Variants in NBEAL1 observed in about 807,000 individuals in gnomAD.
NBEAL1 encodes the protein neurobeachin-like protein 1.
Under a neutral mutation model 351.3 loss-of-function variants are expected in NBEAL1, and 273 were observed. The ratio of observed to expected loss-of-function variants is 0.78; its 90% CI spans 0.70 to 0.86. NBEAL1 has a LOEUF of 0.86. Among genes scored for constraint, NBEAL1 ranks in the 40% least tolerant of loss-of-function variants. NBEAL1 has a pLI of 0.00. For missense variants in NBEAL1, 2,961 were observed against 3,201.3 expected (o/e 0.92, Z 1.81); for synonymous variants, 1,050 against 1,086.4 (o/e 0.97, Z 0.66).
At chr2:203,096,802 T>C (rs2062194591) in intron 10 of NBEAL1, among the ~76,000 whole-genome samples, 1 of 152,202 alleles carries the variant, frequency 6.6e-6, no homozygotes. Context: ...AGGAAGTACT[T>C]CTAGAAAGAA....
intron 3 of NBEAL1, among the ~76,000 whole-genome samples, chr2:203,043,148 T>A (rs2106050226): frequency 6.6e-6 from 1 of 152,270 alleles, no homozygotes; most frequent in Middle Eastern, 3.4e-3. Flanking sequence ...CAGTAGGACC[T>A]TAGAAAACAT....
At chr2:203,045,685 C>G (rs1049039945) in intron 3 of NBEAL1, among the ~76,000 whole-genome samples, 9 of 152,244 alleles carry the variant, frequency 5.9e-5, no homozygotes, top group African/African-American at 2.2e-4. Flanking sequence ...TACTTATGTG[C>G]TTCAGATTTT....
chr2:203,031,701 A>G (rs1206466237), intron 2 of NBEAL1, among the ~76,000 whole-genome samples: 2 of 152,196 alleles, frequency 1.3e-5, no homozygotes, highest in Non-Finnish European at 2.9e-5. Context: ...GAAATGGGGG[A>G]AAAATTGGAA....
chr2:203,107,623 C>G lies in NBEAL1; in HGVS notation c.1384C>G (p.His462Asp). 6.4e-7 allele frequency: 1 copy of G among 1,551,734 alleles called. No homozygotes were observed. The highest frequency in any genetic ancestry group is 8.7e-7 in the Non-Finnish European group (1 of 1,146,822). The change falls in exon 14 of 56, where the codon CAC becomes GAC. Residue 462 changes from histidine to aspartate, a missense_variant. Physicochemically the swap from His to Asp is moderately conservative, Grantham distance 81. Coordinates refer to ENST00000683969, the MANE Select transcript of NBEAL1 (RefSeq NM_001378026.1). ...ELMNMAVEGD[H>D]TSVGILGISN... ...TGCTTTTCAGGCTGTAGAGGGTGACCACACTTCAGTTGGGATTTTGGGCAT... is the reference window on the plus strand; with the variant it reads ...TGCTTTTCAGGCTGTAGAGGGTGACGACACTTCAGTTGGGATTTTGGGCAT...
chr2:203,024,885 T>C (rs539016919), intron 2 of NBEAL1, among the ~76,000 whole-genome samples: 1 of 152,124 alleles, frequency 6.6e-6, no homozygotes. Flanking sequence ...AATAAATACA[T>C]ACATACATAC....
intron 51 of NBEAL1, among the ~76,000 whole-genome samples, chr2:203,206,572 C>T (rs767690050): frequency 9.5e-4 from 132 of 139,068 alleles, no homozygotes; most frequent in Non-Finnish European, 1.8e-3. Context: ...CGCGCCGCCA[C>T]GCCTGACTGG....
At chr2:203,031,518 G>A (rs1414434512) in intron 2 of NBEAL1, among the ~76,000 whole-genome samples, 1 of 152,164 alleles carries the variant, frequency 6.6e-6, no homozygotes, top group Non-Finnish European at 1.5e-5. Context: ...ATGTCAATAT[G>A]AAGTCTACTA....
At chr2:203,118,199 C>T (rs897267701) in intron 18 of NBEAL1, among the ~76,000 whole-genome samples, 5 of 152,108 alleles carry the variant, frequency 3.3e-5, no homozygotes, top group Non-Finnish European at 5.9e-5. Flanking sequence ...TTTGTGAAAA[C>T]GAATTGACAT....
At chr2:203,175,358 T>C in intron 42 of NBEAL1, 71 bp downstream of exon 42, 2 of 1,465,322 alleles carry the variant, frequency 1.4e-6, no homozygotes, top group Admixed American at 1.9e-5. Context: ...CTTCATGTCA[T>C]GTACTGTGTA....
chr2:203,222,811 C>T lies in NBEAL1; in HGVS notation c.*5457C>T, dbSNP rs1181568579. Among the ~76,000 whole-genome samples, 1 of 152,124 alleles carries T rather than the reference C, an allele frequency of 6.6e-6. No individual in the cohort carries two copies. Among genetic ancestry groups the T allele is most frequent in the African/African-American group, 2.4e-5 (1 of 41,440 alleles). On this transcript the variant is annotated 3_prime_UTR_variant, in exon 56 of 56. Transcript: ENST00000683969. ...CAATAGAATTTTCCTAATTAAAAAG[C>T]ATTGGGTAAATTATCTACTACTTCC...
intron 31 of NBEAL1, among the ~76,000 whole-genome samples, chr2:203,143,413 A>G (rs1285492473): frequency 6.6e-6 from 1 of 152,252 alleles, no homozygotes; most frequent in Non-Finnish European, 1.5e-5. Context: ...TTTGATTTCA[A>G]ATAACAGAAA....
Position 203,058,928 on chromosome 2 carries a change from A to G in NBEAL1, c.515+1475A>G, listed in dbSNP as rs117801180. 4.9e-4 allele frequency among the ~76,000 whole-genome samples: 75 copies of G among 152,348 alleles called. 4 individuals are homozygous for G. The East Asian group carries it at 0.014, about 29-fold the overall frequency. On this transcript the variant is annotated intron_variant, in intron 6 of 55. Transcript: ENST00000683969. ...ATATCATTCTTACCTGTGGGCACAG[A>G]TTACAAAGAAGTGTTTCATCACTCT...
chr2:203,096,248 G>T (rs572246861), intron 10 of NBEAL1, among the ~76,000 whole-genome samples: 19 of 152,202 alleles, frequency 1.2e-4, no homozygotes, highest in Non-Finnish European at 2.5e-4. Flanking sequence ...TCAAACTCAG[G>T]TCTCTGATTC....
At chr2:203,088,586 T>A (rs1362778701) in intron 10 of NBEAL1, among the ~76,000 whole-genome samples, 1 of 152,172 alleles carries the variant, frequency 6.6e-6, no homozygotes, top group Non-Finnish European at 1.5e-5. Flanking sequence ...TATCCTTCTA[T>A]CTCCTATTAA....
At chr2:203,131,022 T>A (rs2063059331) in intron 25 of NBEAL1, among the ~76,000 whole-genome samples, 1 of 152,234 alleles carries the variant, frequency 6.6e-6, no homozygotes, top group Non-Finnish European at 1.5e-5. Context: ...AAGTGGATTA[T>A]TAGATTGATC....
At chr2:203,092,338 G>A (rs552420520) in intron 10 of NBEAL1, among the ~76,000 whole-genome samples, 4 of 151,386 alleles carry the variant, frequency 2.6e-5, no homozygotes, top group African/African-American at 7.3e-5. Flanking sequence ...GGTGGATCAC[G>A]AGGTCAGGAG....
At position 203,095,944 on chromosome 2, in the gene NBEAL1, G is replaced by C. The variant is rs2062175095; in HGVS notation, c.1099-1603G>C. On this transcript the variant is annotated intron_variant, in intron 10 of 55. Coordinates refer to ENST00000683969, the MANE Select transcript of NBEAL1 (RefSeq NM_001378026.1). ...AGTTTTTGTATTTTTAGTAGAGACA[G>C]GGTTTCACCATGTTGGCCAGGCTGC... 2.0e-5 allele frequency among the ~76,000 whole-genome samples: 3 copies of C among 151,850 alleles called. No individual in the cohort carries two copies. The South Asian group carries it at 6.2e-4, about 32-fold the overall frequency.
chr2:203,144,859 A>C lies in NBEAL1; in HGVS notation c.5108A>C (p.Gln1703Pro). The change falls in exon 32 of 56, where the codon CAA becomes CCA. Residue 1703 changes from glutamine (Q) to proline (P), a missense_variant. Transcript: ENST00000683969. ...AGCTCCTCATTTTTTGAAGATTTTC[A>C]AGAATATTGTAATTCAAATGAATGG... ...NGSSSFFEDF[Q>P]EYCNSNEWQV... 6.2e-7 allele frequency: 1 copy of C among 1,610,012 alleles called. No homozygotes were observed. The highest frequency in any genetic ancestry group is 8.5e-7 in the Non-Finnish European group (1 of 1,178,554).
In NBEAL1 at chr2:203,034,629, T is replaced by C. The variant is rs895520350; in HGVS notation, c.52-7136T>C. Among the ~76,000 whole-genome samples the C allele has an allele frequency of 3.4e-5, 5 of 148,462 alleles. No individual in the cohort carries two copies. In the South Asian group the frequency reaches 8.5e-4, roughly 25 times the overall value. ...ATGCACCACCACTCCTAATTTTGTA[T>C]TTTTAGTAGAGATAGGGTTTCTCCA... On this transcript the variant is annotated intron_variant, in intron 2 of 55. Coordinates refer to ENST00000683969, the MANE Select transcript of NBEAL1 (RefSeq NM_001378026.1).
Sources: gnomAD v4.1 joint callset for allele counts (sites outside exome capture counted in the v4.1 genomes callset) on GRCh38, gnomAD v4.1.1 for gene constraint, MANE v1.5 for transcripts, NCBI Gene and HGNC (gene_info 2026-07-23, HGNC 2026-07-21) for gene names.